The following AK2 variants were observed in gnomAD, a reference collection of about 807,000 sequenced individuals.
The protein encoded by AK2 is adenylate kinase 2.
Under a neutral mutation model 24.6 loss-of-function variants are expected in AK2, and 15 were observed. The observed-to-expected ratio is 0.61, with a 90% CI of 0.41 to 0.94. The LOEUF is 0.94. AK2 is among the 40% of genes least tolerant of loss of function. AK2 has a pLI of 0.00. For missense variants in AK2, 257 were observed against 304.1 expected (o/e 0.85, Z 1.15); for synonymous variants, 102 against 114.0 (o/e 0.90, Z 0.67).
intron 2 of AK2, among the ~76,000 whole-genome samples, chr1:33,023,025 T>C (rs1464181208): frequency 2.6e-5 from 4 of 152,194 alleles, no homozygotes; most frequent in Non-Finnish European, 5.9e-5. Flanking sequence ...TATCATTTGA[T>C]ACAGCTACAG....
In AK2 at chr1:33,008,730, T is replaced by C; in HGVS notation, c.*4451A>G. 2.2e-6 allele frequency: 1 copy of C among 454,072 alleles called. No individual in the cohort carries two copies. The highest frequency in any genetic ancestry group is 1.6e-5 in the South Asian group (1 of 64,476). The allele number at this position is 454,072 out of a possible 1,614,324, so 28.1% of individuals were successfully genotyped here. A position where few individuals can be genotyped will look rare whatever the true frequency, so the allele number is the denominator to read the frequency against. ...AGTTCTGACTCCACAGGGTGCTGTG[T>C]GAGGGTTACGTGAAGTCGAGGGTTA... On this transcript the variant is annotated 3_prime_UTR_variant, in exon 6 of 6. Coordinates refer to ENST00000672715, the MANE Select transcript of AK2 (RefSeq NM_001625.4).
intron 1 of AK2, among the ~76,000 whole-genome samples, chr1:33,028,456 G>A (rs1172354060): frequency 6.6e-6 from 1 of 151,456 alleles, no homozygotes; most frequent in Non-Finnish European, 1.5e-5. Context: ...GATTGAGATC[G>A]TGCCGCTACA....
intron 2 of AK2, among the ~76,000 whole-genome samples, chr1:33,023,609 G>T (rs1487635862): frequency 6.6e-6 from 1 of 151,992 alleles, no homozygotes; most frequent in Non-Finnish European, 1.5e-5. Context: ...ATCGTCCCCA[G>T]ATAAGAAGGA....
At position 33,024,542 on chromosome 1, in the gene AK2, C is replaced by T. The variant is rs756476576; in HGVS notation, c.119G>A (p.Cys40Tyr). The T allele has an allele frequency of 3.7e-6, 6 of 1,614,140 alleles. No homozygotes were observed. In the Admixed American group the frequency reaches 6.7e-5, roughly 18 times the overall value. The change falls in exon 2 of 6, where the codon TGT (cysteine) becomes TAT (tyrosine). Residue 40 changes from cysteine to tyrosine, a missense_variant. By Grantham distance (194) the Cys-to-Tyr change is radical. Transcript: ENST00000672715. The part of the protein sequence containing the change: ...TQAPRLAENF[C>Y]VCHLATGDML... ...GTCCCCAGTAGCTAAATGGCAGACA[C>T]AGAAGTTTTCAGCCAATCTGGGTGC...
chr1:33,009,274 G>C lies in AK2; in HGVS notation c.*3907C>G. On this transcript the variant is annotated 3_prime_UTR_variant, in exon 6 of 6. Transcript: ENST00000672715. ...AAAGGCAGCCCTTCCAAAAACATGA[G>C]AGCTTTAGTTTGGAGAAATTATTTA... 2.2e-6 allele frequency: 1 copy of C among 454,104 alleles called. No homozygotes were observed. Among genetic ancestry groups the C allele is most frequent in the Non-Finnish European group, 4.4e-6 (1 of 226,786 alleles). The allele number at this position is 454,104 out of a possible 1,614,324, so 28.1% of individuals were successfully genotyped here. A position where few individuals can be genotyped will look rare whatever the true frequency, so the allele number is the denominator to read the frequency against.
intron 1 of AK2, chr1:33,031,509 C>A (rs1156944110): frequency 2.2e-6 from 1 of 451,546 alleles, no homozygotes. Flanking sequence ...TTATTACACC[C>A]TCCTGACATG....
chr1:33,019,993 G>A (rs1639429040), intron 4 of AK2: 26 of 1,469,942 alleles, frequency 1.8e-5, no homozygotes, highest in Non-Finnish European at 2.2e-5. Context: ...CCACAATAAA[G>A]AAGGGAATGG....
chr1:33,033,381 C>T (rs80101858), intron 1 of AK2, among the ~76,000 whole-genome samples: 2,356 of 151,924 alleles, frequency 0.016, 53 homozygotes, highest in African/African-American at 0.054. Context: ...GTTAGCCAGG[C>T]ATGGTGGCAT....
Position 33,011,221 on chromosome 1 carries a change from T to C in AK2, c.*1960A>G, listed in dbSNP as rs374375970. 4 of 1,308,768 alleles carry C rather than the reference T, an allele frequency of 3.1e-6. No individual in the cohort carries two copies. Among genetic ancestry groups the C allele is most frequent in the South Asian group, 2.5e-5 (2 of 79,896 alleles). The allele number at this position is 1,308,768 out of a possible 1,614,324, so 81.1% of individuals were successfully genotyped here. On this transcript the variant is annotated 3_prime_UTR_variant, in exon 6 of 6. Transcript: ENST00000672715. ...CCAAGTGCTTACAATTGTCCCTAGT[T>C]AAAGGGGAGCTGATTCTAAGATTCA...
At chr1:33,025,188 C>CAAAAAAAAAAAAA (rs386366656) in intron 1 of AK2, among the ~76,000 whole-genome samples, 3 of 68,382 alleles carry the variant, frequency 4.4e-5, no homozygotes, top group Non-Finnish European at 5.5e-5. Flanking sequence ...GACTTCGTCT[C>CAAAAAAAAAAAAA]AAAAAAAAAA....
chr1:33,021,855 G>A (rs771781578), intron 2 of AK2, 152 bp from the exon 3 acceptor site: 4 of 684,410 alleles, frequency 5.8e-6, no homozygotes, highest in Non-Finnish European at 1.1e-5. Context: ...AAAAGCAAAC[G>A]TGAAATGGCT....
chr1:33,012,495 T>A lies in AK2; in HGVS notation c.*686A>T. 2 of 1,374,846 alleles carry A rather than the reference T, an allele frequency of 1.5e-6. No individual in the cohort carries two copies. Among genetic ancestry groups the A allele is most frequent in the Non-Finnish European group, 1.9e-6 (2 of 1,046,788 alleles). The allele number at this position is 1,374,846 out of a possible 1,614,324, so 85.2% of individuals were successfully genotyped here. ...ACATGATCCTGGACTTCTAATCAGC[T>A]GCTGGAAATGGAAGAAATACTATGA... is the stretch of plus-strand genomic sequence containing the variant. On this transcript the variant is annotated 3_prime_UTR_variant, in exon 6 of 6. Transcript: ENST00000672715.
rs771288644 is a variant in AK2 at position 33,010,595 on chromosome 1, T to G, written c.*2586A>C. The G allele has an allele frequency of 1.3e-4, 137 of 1,090,648 alleles. No homozygotes were observed. Among genetic ancestry groups the G allele is most frequent in the Middle Eastern group, 5.6e-4 (2 of 3,540 alleles). The allele number at this position is 1,090,648 out of a possible 1,614,324, so 67.6% of individuals were successfully genotyped here. ...TTCTACCCCCACCCTCCAAGCATGGTGTTTTTTAAAAAATTAATTTTTCCC... is the reference window on the plus strand; with the variant it reads ...TTCTACCCCCACCCTCCAAGCATGGGGTTTTTTAAAAAATTAATTTTTCCC... On this transcript the variant is annotated 3_prime_UTR_variant, in exon 6 of 6. Coordinates refer to ENST00000672715, the MANE Select transcript of AK2 (RefSeq NM_001625.4).
chr1:33,019,894 T>G, intron 4 of AK2: 1 of 1,357,050 alleles, frequency 7.4e-7, no homozygotes, highest in Non-Finnish European at 9.5e-7. Context: ...CAATTAAAAG[T>G]AATGGTCATG....
At chr1:33,024,664 T>C in intron 1 of AK2, 97 bp from the exon 2 acceptor site, 2 of 1,515,826 alleles carry the variant, frequency 1.3e-6, no homozygotes, top group Non-Finnish European at 1.8e-6. Flanking sequence ...TTACTGGCTA[T>C]GTAAACATGG....
intron 4 of AK2, among the ~76,000 whole-genome samples, chr1:33,014,865 ACT>A (rs1639082699): frequency 6.6e-6 from 1 of 152,106 alleles, no homozygotes; most frequent in African/African-American, 2.4e-5. Flanking sequence ...GAGAGAAGGA[ACT>A]CTGGTGCTGG....
At chr1:33,028,341 T>C (rs957545277) in intron 1 of AK2, among the ~76,000 whole-genome samples, 3 of 152,022 alleles carry the variant, frequency 2.0e-5, no homozygotes, top group Admixed American at 6.6e-5. Context: ...CCGTCTCTAC[T>C]GAAAATACAA....
intron 1 of AK2, 49 bp from the exon 2 acceptor site, chr1:33,024,616 G>A: frequency 6.2e-7 from 1 of 1,612,694 alleles, no homozygotes; most frequent in Non-Finnish European, 8.5e-7. Flanking sequence ...TACAGGCTGT[G>A]GAGTCAGACT....
At chr1:33,023,091 C>A (rs1228572743) in intron 2 of AK2, among the ~76,000 whole-genome samples, 1 of 152,132 alleles carries the variant, frequency 6.6e-6, no homozygotes, top group African/African-American at 2.4e-5. Flanking sequence ...CCAGCTCCTT[C>A]CCCAACCAAC....
Sources: allele counts gnomAD v4.1 joint callset (sites outside exome capture counted in the v4.1 genomes callset), GRCh38; gene constraint gnomAD v4.1.1; transcripts MANE v1.5; gene names NCBI Gene and HGNC (gene_info 2026-07-23, HGNC 2026-07-21).